The following BTBD9 variants were observed in gnomAD, a reference collection of about 807,000 sequenced individuals.
BTBD9 encodes the protein BTB domain containing 9.
BTBD9 carries 49 observed loss-of-function variants against 64.3 expected under a neutral mutation model. The observed-to-expected ratio is 0.76, with a 90% CI of 0.61 to 0.97. BTBD9 has a LOEUF of 0.97. Ranked by LOEUF, BTBD9 falls within the 50% of genes least tolerant of loss-of-function variation. The probability of loss-of-function intolerance (pLI) is 0.00; values close to 1 mark genes in which losing one functional copy is unlikely to be tolerated. For synonymous variants in BTBD9, 260 were observed against 274.7 expected (o/e 0.95, Z 0.53); for missense variants, 598 against 762.1 (o/e 0.78, Z 2.53).
intron 6 of BTBD9, among the ~76,000 whole-genome samples, chr6:38,529,745 T>C (rs1274108580): frequency 6.6e-6 from 1 of 152,242 alleles, no homozygotes; most frequent in Non-Finnish European, 1.5e-5. Context: ...GTTATCTTCA[T>C]AAGCTGAGGA....
intron 6 of BTBD9, among the ~76,000 whole-genome samples, chr6:38,513,850 CCTTA>C (rs1772889966): frequency 6.6e-6 from 1 of 152,070 alleles, no homozygotes; most frequent in East Asian, 1.9e-4. Flanking sequence ...ATTTTTGTAG[CCTTA>C]CTAACATATT....
chr6:38,490,561 C>A (rs188347400), intron 6 of BTBD9, among the ~76,000 whole-genome samples: 1 of 152,182 alleles, frequency 6.6e-6, no homozygotes, highest in Admixed American at 6.5e-5. Flanking sequence ...CTCAGGTGAT[C>A]CACCCGCCTC....
At chr6:38,301,234 T>C (rs1762390198) in intron 7 of BTBD9, among the ~76,000 whole-genome samples, 1 of 152,152 alleles carries the variant, frequency 6.6e-6, no homozygotes. Context: ...TAGATAAGCT[T>C]TTTGATGTGT....
intron 6 of BTBD9, among the ~76,000 whole-genome samples, chr6:38,496,315 T>A (rs962370267): frequency 2.0e-5 from 3 of 152,140 alleles, no homozygotes; most frequent in East Asian, 1.9e-4. Context: ...CAAAGAGACA[T>A]GAGTTTTTAA....
At chr6:38,472,734 T>C (rs1490359156) in intron 6 of BTBD9, among the ~76,000 whole-genome samples, 3 of 152,180 alleles carry the variant, frequency 2.0e-5, no homozygotes, top group East Asian at 3.9e-4. Context: ...AGGCCTGCAA[T>C]GTGAAAAGAT....
chr6:38,311,916 C>A (rs1243646303), intron 7 of BTBD9, among the ~76,000 whole-genome samples: 1 of 151,888 alleles, frequency 6.6e-6, no homozygotes, highest in African/African-American at 2.4e-5. Context: ...GGCTGGAGTG[C>A]GGTGGCGCGA....
chr6:38,219,189 T>C lies in BTBD9; in HGVS notation c.1563-26592A>G, dbSNP rs144169884. Among the ~76,000 whole-genome samples the C allele has an allele frequency of 7.3e-3, 1,066 of 146,472 alleles. 17 individuals carry two copies. Among genetic ancestry groups the C allele is most frequent in the African/African-American group, 0.023 (906 of 39,312 alleles). ...CTTGCTCTGTTGCCAGGCTGGAGTG[T>C]AGTAGCACAAGCTTGGCTCACTGCC... On this transcript the variant is annotated intron_variant, in intron 9 of 10. Coordinates refer to ENST00000481247, the MANE Select transcript of BTBD9 (RefSeq NM_001099272.2).
chr6:38,466,262 T>G (rs1477432136), intron 6 of BTBD9, among the ~76,000 whole-genome samples: 1 of 150,828 alleles, frequency 6.6e-6, no homozygotes, highest in Non-Finnish European at 1.5e-5. Context: ...ACTGAAAATC[T>G]GAGCTCCATG....
chr6:38,362,100 A>G (rs932844241), intron 6 of BTBD9, among the ~76,000 whole-genome samples: 4 of 152,196 alleles, frequency 2.6e-5, no homozygotes, highest in African/African-American at 9.6e-5. Context: ...GCTTACTCAC[A>G]TGGATTCTGT....
chr6:38,317,739 G>A (rs1418101097), intron 7 of BTBD9, among the ~76,000 whole-genome samples: 1 of 152,016 alleles, frequency 6.6e-6, no homozygotes, highest in Non-Finnish European at 1.5e-5. Context: ...CTGTCTTCAA[G>A]CTCAGGCTTT....
intron 6 of BTBD9, among the ~76,000 whole-genome samples, chr6:38,566,340 T>C (rs1376269268): frequency 6.6e-6 from 1 of 152,238 alleles, no homozygotes; most frequent in African/African-American, 2.4e-5. Flanking sequence ...ATCTATACTT[T>C]AAAATCTTCA....
chr6:38,471,713 C>G (rs538438127), intron 6 of BTBD9, among the ~76,000 whole-genome samples: 1 of 152,204 alleles, frequency 6.6e-6, no homozygotes, highest in Admixed American at 6.5e-5. Context: ...AAATGATCCA[C>G]AGAAACTCTT....
intron 6 of BTBD9, among the ~76,000 whole-genome samples, chr6:38,400,284 T>C (rs995656574): frequency 6.6e-6 from 1 of 152,132 alleles, no homozygotes; most frequent in African/African-American, 2.4e-5. Flanking sequence ...CTGTTTTAAG[T>C]AATCAGCCCC....
chr6:38,496,315 T>C (rs962370267), intron 6 of BTBD9, among the ~76,000 whole-genome samples: 3 of 152,140 alleles, frequency 2.0e-5, no homozygotes, highest in Admixed American at 6.5e-5. Flanking sequence ...CAAAGAGACA[T>C]GAGTTTTTAA....
intron 6 of BTBD9, among the ~76,000 whole-genome samples, chr6:38,431,905 C>G (rs912152926): frequency 8.6e-5 from 13 of 151,902 alleles, no homozygotes; most frequent in Non-Finnish European, 1.5e-4. Context: ...AGGGGTCTTG[C>G]TATGGGTTGA....
chr6:38,377,432 G>A (rs763215135), intron 6 of BTBD9, among the ~76,000 whole-genome samples: 2 of 152,174 alleles, frequency 1.3e-5, no homozygotes, highest in Non-Finnish European at 2.9e-5. Flanking sequence ...AGAAACCAAT[G>A]ATAGTATGCA....
At chr6:38,511,121 G>A (rs1337221563) in intron 6 of BTBD9, among the ~76,000 whole-genome samples, 1 of 152,020 alleles carries the variant, frequency 6.6e-6, no homozygotes, top group Non-Finnish European at 1.5e-5. Flanking sequence ...TCCTTTATGG[G>A]ATCACTGTTG....
intron 6 of BTBD9, among the ~76,000 whole-genome samples, chr6:38,476,953 T>C (rs1186839742): frequency 2.0e-5 from 3 of 152,210 alleles, no homozygotes; most frequent in Non-Finnish European, 4.4e-5. Context: ...ATTTTTAAAA[T>C]ATGCACAGGG....
At chr6:38,466,107 GC>G (rs1361638237) in intron 6 of BTBD9, among the ~76,000 whole-genome samples, 1 of 151,148 alleles carries the variant, frequency 6.6e-6, no homozygotes, top group Non-Finnish European at 1.5e-5. Context: ...GAGCCACTGT[GC>G]CCAGCCAATA....
Sources: allele counts gnomAD v4.1 joint callset (sites outside exome capture counted in the v4.1 genomes callset), GRCh38; gene constraint gnomAD v4.1.1; transcripts MANE v1.5; gene names NCBI Gene and HGNC (gene_info 2026-07-23, HGNC 2026-07-21).